SAMSN1: variants seen among roughly 807,000 people sequenced by gnomAD.
SAMSN1 encodes SAM domain, SH3 domain and nuclear localization signals 1.
SAMSN1 carries 31 observed loss-of-function variants against 42.0 expected under a neutral mutation model. The ratio of observed to expected loss-of-function variants is 0.74; its 90% CI spans 0.55 to 1.00. The LOEUF (loss-of-function observed/expected upper bound fraction) is 1.00, where lower values mean the gene tolerates loss of function less well. Among genes scored for constraint, SAMSN1 ranks in the 50% least tolerant of loss-of-function variants. The probability of loss-of-function intolerance (pLI) is 0.00; values close to 1 mark genes in which losing one functional copy is unlikely to be tolerated. For missense variants in SAMSN1, 464 were observed against 439.4 expected (o/e 1.06, Z -0.50); for synonymous variants, 178 against 151.9 (o/e 1.17, Z -1.26).
intron 2 of SAMSN1, among the ~76,000 whole-genome samples, chr21:14,563,670 C>CA (rs975448335): frequency 6.6e-6 from 1 of 152,090 alleles, no homozygotes; most frequent in Non-Finnish European, 1.5e-5. Flanking sequence ...GCCCTGGGTA[C>CA]AAAAACAACA....
chr21:14,601,473 C>T (rs1357991989), intron 6 of SAMSN1, among the ~76,000 whole-genome samples: 1 of 152,124 alleles, frequency 6.6e-6, no homozygotes, highest in Non-Finnish European at 1.5e-5. Flanking sequence ...TAAAGAGAAC[C>T]TCATGGCTGT....
chr21:14,567,251 C>A (rs894762853), intron 2 of SAMSN1, among the ~76,000 whole-genome samples: 1 of 146,562 alleles, frequency 6.8e-6, no homozygotes, highest in Admixed American at 6.9e-5. Context: ...GGAAGTTGCA[C>A]GAGTAAGTCA....
rs200834314 is a variant in SAMSN1, at chr21:14,517,056, T to A, written c.130-15A>T. Reference sequence around the variant, plus strand: ...CCTTCATGTGCCTAGTTTAGAATTGTTTACAAAAGACAAAATAATAAAGCA... The same window carrying A: ...CCTTCATGTGCCTAGTTTAGAATTGATTACAAAAGACAAAATAATAAAGCA... On this transcript the variant is annotated splice_polypyrimidine_tract_variant and intron_variant, in intron 2 of 7. Transcript: ENST00000400566. 9.1e-4 allele frequency: 1,444 copies of A among 1,589,992 alleles called. 3 individuals are homozygous for A. Among genetic ancestry groups the A allele is most frequent in the Non-Finnish European group, 1.1e-3 (1,329 of 1,170,332 alleles).
At chr21:14,549,599 G>A (rs1980533364), upstream of SAMSN1, among the ~76,000 whole-genome samples, 1 of 152,056 alleles carries the variant, frequency 6.6e-6, no homozygotes, top group African/African-American at 2.4e-5. Flanking sequence ...GGAAAACAGA[G>A]AGACCAATTT....
At chr21:14,566,651 C>T (rs537270553) in intron 2 of SAMSN1, among the ~76,000 whole-genome samples, 1 of 152,032 alleles carries the variant, frequency 6.6e-6, no homozygotes, top group East Asian at 1.9e-4. Flanking sequence ...TATTCTCTTG[C>T]CTCAGCCTCT....
chr21:14,622,103 C>T (rs1304546126), intron 2 of SAMSN1, among the ~76,000 whole-genome samples: 2 of 152,144 alleles, frequency 1.3e-5, no homozygotes, highest in Admixed American at 1.3e-4. Flanking sequence ...GAAAGGACAT[C>T]CACACCAAAA....
At chr21:14,598,307 T>G (rs1362760067) in intron 6 of SAMSN1, 6 of 152,176 alleles carry the variant, frequency 3.9e-5, no homozygotes, top group African/African-American at 1.4e-4. Context: ...TGAAAATATA[T>G]TAGCCCAAAG....
chr21:14,511,065 G>A (rs1987669822), intron 4 of SAMSN1, among the ~76,000 whole-genome samples: 2 of 152,148 alleles, frequency 1.3e-5, no homozygotes, highest in South Asian at 4.1e-4. Flanking sequence ...AACAAGAATG[G>A]CTCCCAGTGG....
chr21:14,502,457 G>C (rs965952589), intron 5 of SAMSN1, among the ~76,000 whole-genome samples: 1 of 152,122 alleles, frequency 6.6e-6, no homozygotes, highest in Non-Finnish European at 1.5e-5. Flanking sequence ...AAGCCCACAG[G>C]TCATCAAGCA....
At chr21:14,627,221 AC>A (rs1203851199) in intron 2 of SAMSN1, among the ~76,000 whole-genome samples, 1 of 152,118 alleles carries the variant, frequency 6.6e-6, no homozygotes, top group Admixed American at 6.5e-5. Flanking sequence ...GCACATGTAT[AC>A]ATATGTAACA....
chr21:14,638,493 G>C (rs1600978676), intron 2 of SAMSN1, among the ~76,000 whole-genome samples: 1 of 152,152 alleles, frequency 6.6e-6, no homozygotes, highest in Admixed American at 6.5e-5. Flanking sequence ...TTTTAGGTTT[G>C]TGAGACACAG....
Position 14,485,949 on chromosome 21 carries a change from A to T in SAMSN1, c.1085T>A (p.Met362Lys), listed in dbSNP as rs1986416261. Residue 362 changes from methionine (M) to lysine (K), a missense_variant, in exon 8 of 8, where the codon ATG becomes AAG. Met to Lys is a moderately conservative substitution (Grantham distance 95). Transcript: ENST00000400566. ...CTCTGTGATAATAATCTTATGTACC[A>T]TGTCAGACAGATTTTCAGACTCCAG... ...EDLESENLSD[M>K]VHKIIITEPS... 1.9e-6 allele frequency: 3 copies of T among 1,613,614 alleles called. No homozygotes were observed. The highest frequency in any genetic ancestry group is 2.5e-6 in the Non-Finnish European group (3 of 1,179,722).
upstream of SAMSN1, chr21:14,585,321 C>G (rs1454991878): frequency 6.6e-6 from 1 of 152,106 alleles, no homozygotes; most frequent in Non-Finnish European, 1.5e-5. Context: ...ACCATTTTTT[C>G]TTTGTTGTGC....
chr21:14,524,913 GAAA>G (rs1978741206), intron 1 of SAMSN1, among the ~76,000 whole-genome samples: 5 of 152,058 alleles, frequency 3.3e-5, no homozygotes, highest in African/African-American at 1.2e-4. Context: ...ATACTAAAAA[GAAA>G]AATGCATCAG....
At chr21:14,585,093 GTGATGAGATA>G (rs920165942), upstream of SAMSN1, among the ~76,000 whole-genome samples, 55 of 152,300 alleles carry the variant, frequency 3.6e-4, no homozygotes, top group African/African-American at 1.3e-3. Flanking sequence ...AGAAAGGACT[GTGATGAGATA>G]TGCTTAGAAG....
upstream of SAMSN1, among the ~76,000 whole-genome samples, chr21:14,548,344 G>C (rs115972547): frequency 4.6e-3 from 695 of 152,146 alleles, 5 homozygotes; most frequent in African/African-American, 0.016. Flanking sequence ...CTCTAAAAAG[G>C]CATGAAGTTT....
intron 1 of SAMSN1, chr21:14,523,247 GA>G (rs1284395165): frequency 6.6e-6 from 1 of 152,130 alleles, no homozygotes. Context: ...CCTTTTAAAA[GA>G]ACTGAAATAA....
intron 1 of SAMSN1, among the ~76,000 whole-genome samples, chr21:14,541,060 T>C (rs1979989716): frequency 1.4e-5 from 2 of 144,064 alleles, no homozygotes; most frequent in Admixed American, 1.5e-4. Flanking sequence ...ATGTTCTCAC[T>C]CATCAGTGGG....
chr21:14,502,716 C>T (rs1174586012), intron 5 of SAMSN1, among the ~76,000 whole-genome samples: 1 of 152,140 alleles, frequency 6.6e-6, no homozygotes, highest in East Asian at 1.9e-4. Flanking sequence ...GGTACCCTTT[C>T]CCCAAGACTT....
Sources: gnomAD v4.1 joint callset for allele counts (sites outside exome capture counted in the v4.1 genomes callset) on GRCh38, gnomAD v4.1.1 for gene constraint, MANE v1.5 for transcripts, NCBI Gene and HGNC (gene_info 2026-07-23, HGNC 2026-07-21) for gene names.